Variants in DLGAP2 observed in about 807,000 individuals in gnomAD.
The protein encoded by DLGAP2 is disks large-associated protein 2.
Under a neutral mutation model 100.3 loss-of-function variants are expected in DLGAP2, and 26 were observed. That is an observed-to-expected ratio of 0.26 (90% CI 0.19 to 0.36). The LOEUF (loss-of-function observed/expected upper bound fraction) is 0.36, where lower values mean the gene tolerates loss of function less well. DLGAP2 is among the 10% of genes least tolerant of loss of function. The pLI is 1.00. For missense variants in DLGAP2, 1,858 were observed against 1,453.2 expected (o/e 1.28, Z -4.53); for synonymous variants, 886 against 630.1 (o/e 1.41, Z -6.08).
intron 3 of DLGAP2, among the ~76,000 whole-genome samples, chr8:1,470,390 T>A (rs1369132588): frequency 6.6e-6 from 1 of 152,140 alleles, no homozygotes; most frequent in African/African-American, 2.4e-5. Flanking sequence ...CAGTGGGAGC[T>A]GGATTCATTC....
At chr8:1,295,960 G>A (rs1454448746) in intron 3 of DLGAP2, 1 of 152,204 alleles carries the variant, frequency 6.6e-6, no homozygotes, top group East Asian at 1.9e-4. Context: ...GTTTTGCCAG[G>A]AGACAGCCGG....
intron 2 of DLGAP2, among the ~76,000 whole-genome samples, chr8:1,139,631 A>G (rs552959308): frequency 6.6e-6 from 1 of 152,190 alleles, no homozygotes; most frequent in Non-Finnish European, 1.5e-5. Flanking sequence ...GGAAGCCCAC[A>G]GGTCACTAAT....
At chr8:1,283,402 C>A (rs115700810) in intron 3 of DLGAP2, among the ~76,000 whole-genome samples, 2 of 152,176 alleles carry the variant, frequency 1.3e-5, no homozygotes, top group Non-Finnish European at 2.9e-5. Flanking sequence ...ATAAAAGGCA[C>A]GTGTCTTTGG....
rs147799215 is a variant in DLGAP2 at position 863,799 on chromosome 8, T to C, written c.19-44113T>C. On this transcript the variant is annotated intron_variant, in intron 1 of 14. Transcript: ENST00000637795. ...TGGAAATGTAAATTAGTACAGCCGC[T>C]ATGGAAAACAGTGTGGAGGTTTCTC... Among the ~76,000 whole-genome samples, 582 of 152,260 alleles carry C rather than the reference T, an allele frequency of 3.8e-3. 2 individuals carry two copies. Among genetic ancestry groups the C allele is most frequent in the African/African-American group, 0.014 (564 of 41,538 alleles).
intron 4 of DLGAP2, among the ~76,000 whole-genome samples, chr8:1,533,953 T>C (rs938562578): frequency 2.0e-5 from 3 of 152,164 alleles, no homozygotes; most frequent in Non-Finnish European, 2.9e-5. Context: ...AGACTTTATC[T>C]AAAAAAATAA....
At chr8:1,173,672 G>C (rs1456877623) in intron 2 of DLGAP2, among the ~76,000 whole-genome samples, 1 of 152,184 alleles carries the variant, frequency 6.6e-6, no homozygotes, top group African/African-American at 2.4e-5. Flanking sequence ...ATGGGCGTAG[G>C]ACCCTCTGAG....
At chr8:1,315,261 G>GAA (rs1476810295) in intron 3 of DLGAP2, among the ~76,000 whole-genome samples, 1 of 151,778 alleles carries the variant, frequency 6.6e-6, no homozygotes, top group African/African-American at 2.4e-5. Context: ...CTACACTCGA[G>GAA]AAACTCGGCA....
chr8:749,206 G>C (rs1489967327), intron 1 of DLGAP2, among the ~76,000 whole-genome samples: 1 of 152,178 alleles, frequency 6.6e-6, no homozygotes, highest in African/African-American at 2.4e-5. Context: ...GCCCAGTCTG[G>C]TCTCAAACTC....
chr8:1,482,651 T>G (rs1430616569), intron 3 of DLGAP2, among the ~76,000 whole-genome samples: 2 of 152,182 alleles, frequency 1.3e-5, no homozygotes, highest in East Asian at 3.9e-4. Flanking sequence ...TCCCCACGGT[T>G]TCCGGGAGTC....
chr8:1,606,791 TC>T (rs1299996935), intron 6 of DLGAP2, among the ~76,000 whole-genome samples: 1 of 152,134 alleles, frequency 6.6e-6, no homozygotes, highest in Non-Finnish European at 1.5e-5. Context: ...CAAGGAATCC[TC>T]CCTCCTCAGT....
rs2130576496 is a variant in DLGAP2, at chr8:1,565,885, A to G, written c.1433A>G (p.Glu478Gly). Reference protein sequence around the residue: ...LKSIGQRPLGEHQTQTYLQAA... With the variant: ...LKSIGQRPLGGHQTQTYLQAA... ...TCCATCGGACAGAGACCGCTTGGAG[A>G]GCACCAGACGTAAGTGAGACCAGCT... is the stretch of plus-strand genomic sequence containing the variant. Residue 478 changes from glutamate (E) to glycine (G), a missense_variant, in exon 6 of 15, where the codon GAG becomes GGG. Transcript: ENST00000637795. 4.4e-6 allele frequency: 7 copies of G among 1,604,708 alleles called. No individual in the cohort carries two copies. Among genetic ancestry groups the G allele is most frequent in the South Asian group, 1.1e-5 (1 of 89,434 alleles).
chr8:1,502,275 T>G (rs1799748564), intron 4 of DLGAP2, among the ~76,000 whole-genome samples: 1 of 152,260 alleles, frequency 6.6e-6, no homozygotes, highest in South Asian at 2.1e-4. Flanking sequence ...TCTCGGATCA[T>G]AAGTTCAATT....
intron 1 of DLGAP2, among the ~76,000 whole-genome samples, chr8:885,586 C>T (rs574025520): frequency 1.3e-5 from 2 of 152,270 alleles, no homozygotes; most frequent in Non-Finnish European, 2.9e-5. Context: ...AACTTGACTT[C>T]CTCTCTTCCT....
At chr8:1,688,808 G>C (rs144759496) in intron 12 of DLGAP2, among the ~76,000 whole-genome samples, 1,762 of 152,298 alleles carry the variant, frequency 0.012, 15 homozygotes, top group Non-Finnish European at 0.019. Flanking sequence ...AAATGAGGGA[G>C]GCACCGCACA....
At chr8:1,579,668 T>C (rs1803146551) in intron 6 of DLGAP2, among the ~76,000 whole-genome samples, 1 of 152,184 alleles carries the variant, frequency 6.6e-6, no homozygotes, top group African/African-American at 2.4e-5. Flanking sequence ...TATCAATAAC[T>C]AAAACGTTTG....
chr8:1,292,320 A>C (rs1163419308), intron 3 of DLGAP2, among the ~76,000 whole-genome samples: 2 of 152,134 alleles, frequency 1.3e-5, no homozygotes, highest in Non-Finnish European at 2.9e-5. Context: ...TGGACCTAGC[A>C]TGTGGTCTGA....
chr8:1,696,638 C>T lies in DLGAP2; in HGVS notation c.2797-509C>T, dbSNP rs565441285. Among the ~76,000 whole-genome samples the T allele has an allele frequency of 3.9e-5, 6 of 152,298 alleles. No individual in the cohort carries two copies. In the South Asian group the frequency reaches 8.3e-4, roughly 21 times the overall value. On this transcript the variant is annotated intron_variant, in intron 13 of 14. Transcript: ENST00000637795. Reference sequence around the variant, plus strand: ...GTCACCTGTGCCTCCTAAGTGTGGGCGCCGGTTGGTGAGAGCATCCTGTTC... The same window carrying T: ...GTCACCTGTGCCTCCTAAGTGTGGGTGCCGGTTGGTGAGAGCATCCTGTTC...
intron 2 of DLGAP2, among the ~76,000 whole-genome samples, chr8:1,052,861 G>A (rs1035218436): frequency 2.0e-5 from 3 of 152,132 alleles, no homozygotes; most frequent in Non-Finnish European, 2.9e-5. Flanking sequence ...GATAGAACTG[G>A]CTGCAATCCA....
intron 3 of DLGAP2, among the ~76,000 whole-genome samples, chr8:1,459,841 A>G (rs1798424747): frequency 6.6e-6 from 1 of 151,892 alleles, no homozygotes; most frequent in Admixed American, 6.6e-5. Flanking sequence ...GCGCACCACC[A>G]CGCCCGGCTA....
Sources: allele counts gnomAD v4.1 joint callset (sites outside exome capture counted in the v4.1 genomes callset), GRCh38; gene constraint gnomAD v4.1.1; transcripts MANE v1.5; gene names NCBI Gene and HGNC (gene_info 2026-07-23, HGNC 2026-07-21).